The following PKD1 variants were observed in gnomAD, a reference collection of about 807,000 sequenced individuals.
PKD1 encodes the protein polycystin 1, transient receptor potential channel interacting.
PKD1 carries 81 observed loss-of-function variants against 361.7 expected under a neutral mutation model. The observed-to-expected ratio is 0.22, with a 90% confidence interval of 0.19 to 0.27. The LOEUF (loss-of-function observed/expected upper bound fraction) is 0.27. PKD1 is among the 10% of genes least tolerant of loss of function. The pLI, the probability that PKD1 is intolerant of heterozygous loss-of-function variation, is 1.00. For missense variants in PKD1, 6,399 were observed against 6,118.3 expected (o/e 1.05, Z -1.53); for synonymous variants, 3,615 against 2,818.3 (o/e 1.28, Z -8.95).
Position 2,109,675 on chromosome 16 carries a change from G to A in PKD1, c.5492C>T (p.Thr1831Met), listed in dbSNP as rs757842622. Residue 1831 changes from threonine to methionine, a missense_variant, in exon 15 of 46, where the codon ACG becomes ATG. By Grantham distance (81) the Thr-to-Met change is moderately conservative. Transcript: ENST00000262304. ...CCAGCACCAGCTCACATTGGTGCCC[G>A]TGGCCAGCTGCCCCCAAAAGGGCAC... ...SSVPFWGQLA[T>M]GTNVSWCWAV... The A allele has an allele frequency of 2.3e-5, 37 of 1,586,644 alleles. No individual in the cohort carries two copies. Among genetic ancestry groups the A allele is most frequent in the East Asian group, 9.2e-5 (4 of 43,430 alleles).
In PKD1 at chr16:2,102,982, C is replaced by T. The variant is rs376170927; in HGVS notation, c.8792-12G>A. On this transcript the variant is annotated splice_polypyrimidine_tract_variant and intron_variant, in intron 23 of 45. Coordinates refer to ENST00000262304, the MANE Select transcript of PKD1 (RefSeq NM_001009944.3). ...AGACAGGTAGTGGCCTGGGGCAGAA[C>T]GCGCAGGTCACACGCCTGCCGGGAA... The T allele has an allele frequency of 5.0e-5, 80 of 1,601,526 alleles. No individual in the cohort carries two copies. The highest frequency in any genetic ancestry group is 1.0e-4 in the Admixed American group (6 of 59,986).
At position 2,109,425 on chromosome 16, in the gene PKD1, G is replaced by C. The variant is rs1244566378; in HGVS notation, c.5742C>G (p.Gly1914=). The part of the protein sequence containing the change: ...LVHFQILLAA[G]SAVTFRLQVG... ...CCTGCAGGCGGAAGGTGACAGCTGA[G>C]CCGGCAGCCAGCAGGATCTGAAAAT... The change falls in exon 15 of 46, where the codon GGC becomes GGG. Residue 1914 remains glycine, a synonymous_variant. Transcript: ENST00000262304. 1 of 1,603,406 alleles carries C rather than the reference G, an allele frequency of 6.2e-7. No homozygotes were observed. Among genetic ancestry groups the C allele is most frequent in the Non-Finnish European group, 8.5e-7 (1 of 1,179,254 alleles).
At chr16:2,120,130 G>A in intron 1 of PKD1, 1 of 527,784 alleles carries the variant, frequency 1.9e-6, no homozygotes, top group South Asian at 2.5e-5. Flanking sequence ...AAAATCACTT[G>A]AGCCCAGAGA....
Position 2,103,877 on chromosome 16 carries a change from G to T in PKD1, c.8180C>A (p.Ala2727Asp). ...CTGTGGTGCCCGCACGTCCGAGCTG[G>T]CCAGGTGGATGAGGTCTCCTGCAGA... ...LNITGDLIHL[A>D]SSDVRAPQPS... is the part of the protein sequence containing the mutation. The change falls in exon 23 of 46, where the codon GCC (alanine) becomes GAC (aspartate). Residue 2727 changes from alanine (A) to aspartate (D), a missense_variant. Physicochemically the swap from Ala to Asp is moderately radical, Grantham distance 126 (BLOSUM62 -2). Coordinates refer to ENST00000262304, the MANE Select transcript of PKD1 (RefSeq NM_001009944.3). 1 of 1,597,598 alleles carries T rather than the reference G, an allele frequency of 6.3e-7. No individual in the cohort carries two copies. Among genetic ancestry groups the T allele is most frequent in the Non-Finnish European group, 8.5e-7 (1 of 1,175,728 alleles).
intron 16 of PKD1, chr16:2,107,575 C>G (rs552425577): frequency 2.1e-6 from 1 of 485,160 alleles, no homozygotes; most frequent in Admixed American, 3.3e-5. Flanking sequence ...CATCCAGCAA[C>G]AGGGACATGG....
At position 2,110,960 on chromosome 16, in the gene PKD1, A is replaced by T. The variant is rs144257102; in HGVS notation, c.4207T>A (p.Cys1403Ser). ...CGGTAGGGGAACGGGGGCCAGGCAC[A>T]TGCCACCAGCCAGGCCTCGTCCCCG... ...QLGDEAWLVA[C>S]AWPPFPYRYT... Residue 1403 changes from cysteine (C) to serine (S), a missense_variant, in exon 15 of 46, where the codon TGT becomes AGT. Coordinates refer to ENST00000262304, the MANE Select transcript of PKD1 (RefSeq NM_001009944.3). 6.2e-7 allele frequency: 1 copy of T among 1,610,530 alleles called. No homozygotes were observed. The highest frequency in any genetic ancestry group is 1.3e-5 in the African/African-American group (1 of 74,840).
In PKD1 at chr16:2,089,930, A is replaced by T; in HGVS notation, c.12709T>A (p.Tyr4237Asn). Residue 4237 changes from tyrosine (Y) to asparagine (N), a missense_variant, in exon 46 of 46, where the codon TAC (tyrosine) becomes AAC (asparagine). Physicochemically the swap from Tyr to Asn is moderately radical, Grantham distance 143. Coordinates refer to ENST00000262304, the MANE Select transcript of PKD1 (RefSeq NM_001009944.3). Reference protein sequence around the residue: ...DRLNQATEDVYQLEQQLHSLQ... With the variant: ...DRLNQATEDVNQLEQQLHSLQ... ...CTGTGCAGCTGCTGCTCCAGCTGGT[A>T]GACGTCCTCTGTGGCCTGGTTGAGT... 1.2e-6 allele frequency: 2 copies of T among 1,612,200 alleles called. No individual in the cohort carries two copies. Among genetic ancestry groups the T allele is most frequent in the Non-Finnish European group, 1.7e-6 (2 of 1,179,778 alleles).
rs746333408 is a variant in PKD1 at position 2,103,306 on chromosome 16, C to T, written c.8751G>A (p.Ala2917=). The T allele has an allele frequency of 1.4e-4, 225 of 1,608,752 alleles. No individual in the cohort carries two copies. Among genetic ancestry groups the T allele is most frequent in the African/African-American group, 1.9e-4 (14 of 74,854 alleles). The change falls in exon 23 of 46, where the codon GCG becomes GCA. Residue 2917 remains alanine, a synonymous_variant. Coordinates refer to ENST00000262304, the MANE Select transcript of PKD1 (RefSeq NM_001009944.3). ...AVVTLDSSNP[A]AGLHLQLNYT... is the part of the protein sequence containing the mutation. Reference sequence around the variant, plus strand: ...AGTTGAGCTGCAGATGCAGCCCGGCCGCAGGGTTGCTGCTGTCCAGGGTGA... The same window carrying T: ...AGTTGAGCTGCAGATGCAGCCCGGCTGCAGGGTTGCTGCTGTCCAGGGTGA...
chr16:2,119,976 C>G (rs2092694800), intron 1 of PKD1: 2 of 598,854 alleles, frequency 3.3e-6, no homozygotes, highest in Non-Finnish European at 6.0e-6. Flanking sequence ...ACCGTGGGAG[C>G]TGAGACGGAA....
chr16:2,130,099 A>G (rs2092851966), intron 1 of PKD1, among the ~76,000 whole-genome samples: 1 of 152,200 alleles, frequency 6.6e-6, no homozygotes, highest in South Asian at 2.1e-4. Context: ...TTTTGTCCAC[A>G]AGTTTGGCGA....
In PKD1 at chr16:2,104,594, G is replaced by A. The variant is rs780697425; in HGVS notation, c.8065C>T (p.His2689Tyr). ...VCRSCLKQTL[H>Y]KLEAMMLILQ... Reference sequence around the variant, plus strand: ...ATGAGCATCATGGCCTCCAGCTTGTGCAGCGTCTGCTTCAGGCACGAGCGG... The same window carrying A: ...ATGAGCATCATGGCCTCCAGCTTGTACAGCGTCTGCTTCAGGCACGAGCGG... The change falls in exon 22 of 46, where the codon CAC becomes TAC. Residue 2689 changes from histidine (H) to tyrosine (Y), a missense_variant. His to Tyr is a moderately conservative substitution (Grantham distance 83, BLOSUM62 2). Transcript: ENST00000262304. 12 of 1,596,828 alleles carry A rather than the reference G, an allele frequency of 7.5e-6. No homozygotes were observed. The East Asian group carries it at 1.1e-4, about 15-fold the overall frequency.
Position 2,111,315 on chromosome 16 carries a change from G to C in PKD1, c.3852C>G (p.Ala1284=). 1 of 1,608,802 alleles carries C rather than the reference G, an allele frequency of 6.2e-7. No homozygotes were observed. The highest frequency in any genetic ancestry group is 1.3e-5 in the African/African-American group (1 of 74,984). ...VGAASPAGHL[A]RSLHVLVFVL... ...CGAAGACCAGCACGTGCAGGCTCCG[G>C]GCCAGGTGGCCGGCGGGGCTGGCCG... The change falls in exon 15 of 46, where the codon GCC becomes GCG. Residue 1284 remains alanine (A), a synonymous_variant. Coordinates refer to ENST00000262304, the MANE Select transcript of PKD1 (RefSeq NM_001009944.3).
At position 2,093,075 on chromosome 16, in the gene PKD1, G is replaced by A. The variant is rs534063899; in HGVS notation, c.11035C>T (p.Leu3679Phe). 6.2e-7 allele frequency: 1 copy of A among 1,612,784 alleles called. No individual in the cohort carries two copies. Among genetic ancestry groups the A allele is most frequent in the Admixed American group, 1.7e-5 (1 of 60,018 alleles). Residue 3679 changes from leucine (L) to phenylalanine (F), a missense_variant, in exon 38 of 46, where the codon CTT becomes TTT. Physicochemically the swap from Leu to Phe is conservative, Grantham distance 22. Transcript: ENST00000262304. ...GMLRSLLVYM[L>F]FLLVTLLASY... ...GCCAGCAGGGTCACCAGCAGAAAAA[G>A]CATGTACACCAGGAGGCTCTGGTGG...
At position 2,097,338 on chromosome 16, in the gene PKD1, G is replaced by A. The variant is rs1006941492; in HGVS notation, c.10386C>T (p.Ala3462=). The change falls in exon 33 of 46, where the codon GCC becomes GCT. Residue 3462 remains alanine, a synonymous_variant. Transcript: ENST00000262304. ...GCTCACCTGATGCTGAGAAGGATTTGGCAGGCGAGTAGGGGCTGGCCAGGG... is the reference window on the plus strand; with the variant it reads ...GCTCACCTGATGCTGAGAAGGATTTAGCAGGCGAGTAGGGGCTGGCCAGGG... ...GFSLASPYSP[A]KSFSASDEDL... 9.3e-6 allele frequency: 15 copies of A among 1,612,678 alleles called. No individual in the cohort carries two copies. The highest frequency in any genetic ancestry group is 1.3e-5 in the Non-Finnish European group (15 of 1,180,000).
Position 2,106,563 on chromosome 16 carries a change from C to T in PKD1, c.7324G>A (p.Glu2442Lys), listed in dbSNP as rs1171052012. ...ACCGTGAGCGTGAAGGTGTATCCCT[C>T]GCCGTCCCGCAGCACGCCCCGCCGC... ...VLRRGVLRDG[E>K]GYTFTLTVLG... The change falls in exon 18 of 46, where the codon GAG becomes AAG. Residue 2442 changes from glutamate (E) to lysine (K), a missense_variant. By Grantham distance (56) the Glu-to-Lys change is moderately conservative. Transcript: ENST00000262304. This position sits in a 1 kb window ranked among gnomAD's most constrained non-coding sequence, Gnocchi z 6.5. 1.9e-6 allele frequency: 3 copies of T among 1,596,438 alleles called. No individual in the cohort carries two copies. The highest frequency in any genetic ancestry group is 2.5e-6 in the Non-Finnish European group (3 of 1,178,924).
Position 2,090,050 on chromosome 16 carries a change from G to A in PKD1, c.12589C>T (p.Leu4197=). 1.2e-6 allele frequency: 2 copies of A among 1,611,468 alleles called. No individual in the cohort carries two copies. Among genetic ancestry groups the A allele is most frequent in the South Asian group, 1.1e-5 (1 of 91,014 alleles). ...CCCAGCCGGCCCAGGCTCACGCTCAGCCCATCCAGCTGGCTGGAGGAGGTG... is the reference window on the plus strand; with the variant it reads ...CCCAGCCGGCCCAGGCTCACGCTCAACCCATCCAGCTGGCTGGAGGAGGTG... ...PSTSSSQLDG[L]SVSLGRLGTR... Residue 4197 remains leucine (L), a synonymous_variant, in exon 46 of 46, where the codon CTG becomes TTG. Transcript: ENST00000262304.
Position 2,090,275 on chromosome 16 carries a change from C to A in PKD1, c.12444+10G>T, listed in dbSNP as rs768464649. 2 of 1,608,410 alleles carry A rather than the reference C, an allele frequency of 1.2e-6. No individual in the cohort carries two copies. The highest frequency in any genetic ancestry group is 2.7e-5 in the African/African-American group (2 of 74,824). ...GCGTGTCCCTCTCCCCCCCACTGGG[C>A]CGTACCCACCTCCTTGACCTTGCTG... On this transcript the variant is annotated intron_variant, in intron 45 of 45. Coordinates refer to ENST00000262304, the MANE Select transcript of PKD1 (RefSeq NM_001009944.3).
intron 1 of PKD1, among the ~76,000 whole-genome samples, chr16:2,130,831 A>C (rs1433439328): frequency 6.6e-6 from 1 of 152,238 alleles, no homozygotes; most frequent in Non-Finnish European, 1.5e-5. Context: ...GGGTGCTCCT[A>C]TATTTTACAT....
chr16:2,102,837 G>A lies in PKD1; in HGVS notation c.8925C>T (p.Pro2975=), dbSNP rs148159605. Residue 2975 remains proline (P), a synonymous_variant, in exon 24 of 46, where the codon CCC becomes CCT. Coordinates refer to ENST00000262304, the MANE Select transcript of PKD1 (RefSeq NM_001009944.3). ...ACCCCGGGGAAATGAAGAAGGTGTA[G>A]GGCCGGTGGTCAGCACCCTGGAGTG... ...PESLQGADHR[P]YTFFISPGSR... is the part of the protein sequence containing the mutation. 8.0e-5 allele frequency: 129 copies of A among 1,610,032 alleles called. No homozygotes were observed. In the African/African-American group the frequency reaches 1.5e-3, roughly 18 times the overall value.
Sources: gnomAD v4.1 joint callset for allele counts (sites outside exome capture counted in the v4.1 genomes callset) on GRCh38, gnomAD v4.1.1 for gene constraint, Gnocchi (gnomAD v3.1) non-coding constraint, MANE v1.5 for transcripts, NCBI Gene and HGNC (gene_info 2026-07-23, HGNC 2026-07-21) for gene names.